The following SH3GL2 variants were observed in gnomAD, a reference collection of about 807,000 sequenced individuals.
SH3GL2 encodes endophilin-A1.
Under a neutral mutation model 46.0 loss-of-function variants are expected in SH3GL2, and 24 were observed. That is an observed-to-expected ratio of 0.52 (90% CI 0.38 to 0.73). The LOEUF is 0.73. Among genes scored for constraint, SH3GL2 ranks in the 30% least tolerant of loss-of-function variants. The pLI is 0.00. For synonymous variants in SH3GL2, 196 were observed against 147.1 expected (o/e 1.33, Z -2.40); for missense variants, 413 against 424.2 (o/e 0.97, Z 0.23).
intron 6 of SH3GL2, 41 bp downstream of exon 6, chr9:17,789,591 A>G: frequency 3.1e-6 from 5 of 1,609,430 alleles, no homozygotes; most frequent in Non-Finnish European, 4.2e-6. Flanking sequence ...CTTATCATCG[A>G]GGCACAACAT....
chr9:17,633,630 A>G (rs573798248), intron 1 of SH3GL2, among the ~76,000 whole-genome samples: 1 of 152,338 alleles, frequency 6.6e-6, no homozygotes, highest in African/African-American at 2.4e-5. Context: ...AGTTATTTTT[A>G]TAAATCAGAT....
At chr9:17,586,942 C>T (rs1360053205) in intron 1 of SH3GL2, among the ~76,000 whole-genome samples, 1 of 152,204 alleles carries the variant, frequency 6.6e-6, no homozygotes, top group East Asian at 1.9e-4. Flanking sequence ...TGCGGTGGCT[C>T]ATGCCTGCAA....
At chr9:17,786,667 T>G (rs963525165) in intron 4 of SH3GL2, 143 bp downstream of exon 4, 20 of 749,874 alleles carry the variant, frequency 2.7e-5, no homozygotes, top group Non-Finnish European at 4.2e-5. Flanking sequence ...GCCAAAAATT[T>G]GTTTTCAGAA....
At chr9:17,637,939 G>C (rs982015137) in intron 1 of SH3GL2, among the ~76,000 whole-genome samples, 1 of 151,994 alleles carries the variant, frequency 6.6e-6, no homozygotes, top group African/African-American at 2.4e-5. Context: ...GGCGGATCAC[G>C]AGGTCAGGAG....
chr9:17,638,813 A>G (rs1819607342), intron 1 of SH3GL2, among the ~76,000 whole-genome samples: 1 of 152,144 alleles, frequency 6.6e-6, no homozygotes, highest in South Asian at 2.1e-4. Flanking sequence ...TTGATGTCTT[A>G]TAAGCTGATC....
chr9:17,620,213 G>T (rs1043556049), intron 1 of SH3GL2, among the ~76,000 whole-genome samples: 2 of 152,160 alleles, frequency 1.3e-5, no homozygotes, highest in Non-Finnish European at 2.9e-5. Flanking sequence ...GAGATACTCT[G>T]ACCTGAATCT....
At chr9:17,728,665 C>G (rs892001873) in intron 1 of SH3GL2, among the ~76,000 whole-genome samples, 21 of 152,014 alleles carry the variant, frequency 1.4e-4, no homozygotes, top group African/African-American at 3.9e-4. Context: ...GTGATGTTCC[C>G]CTTCCTGTGC....
chr9:17,592,477 TATTA>T (rs1818502856), intron 1 of SH3GL2, among the ~76,000 whole-genome samples: 1 of 152,228 alleles, frequency 6.6e-6, no homozygotes, highest in Non-Finnish European at 1.5e-5. Flanking sequence ...GAAAAATCAC[TATTA>T]ATTATCATGC....
intron 1 of SH3GL2, among the ~76,000 whole-genome samples, chr9:17,674,006 T>C (rs1588225978): frequency 6.6e-6 from 1 of 152,220 alleles, no homozygotes. Flanking sequence ...GTTTTATTTC[T>C]CTTTGTTTCC....
chr9:17,728,903 C>A (rs1375159346), intron 1 of SH3GL2, among the ~76,000 whole-genome samples: 2 of 152,080 alleles, frequency 1.3e-5, no homozygotes, highest in Non-Finnish European at 2.9e-5. Context: ...GGTTCCAAGT[C>A]TTTGTTACTG....
intron 1 of SH3GL2, among the ~76,000 whole-genome samples, chr9:17,594,433 A>G (rs557030492): frequency 1.8e-4 from 26 of 144,546 alleles, no homozygotes; most frequent in African/African-American, 6.3e-4. Context: ...ATGTCCTTCC[A>G]TGTGCAATGA....
At chr9:17,747,222 G>A (rs1822716937) in intron 2 of SH3GL2, 88 bp downstream of exon 2, 2 of 730,862 alleles carry the variant, frequency 2.7e-6, no homozygotes, top group Non-Finnish European at 4.7e-6. Flanking sequence ...GAGGGCAACT[G>A]TTTTCCACTG....
rs945440316 is a variant in SH3GL2 at position 17,579,097 on chromosome 9, C to A, written c.-146C>A. The A allele has an allele frequency of 5.9e-6, 3 of 507,198 alleles. No individual in the cohort carries two copies. The South Asian group carries it at 8.7e-5, about 15-fold the overall frequency. The allele number at this position is 507,198 out of a possible 1,614,324, so 31.4% of individuals were successfully genotyped here. ...GTGTTTCTCCGCAAGAGCCCGTGTC[C>A]CGCTAGGCTCCGCGCCCTCGCGCCC... On this transcript the variant is annotated 5_prime_UTR_variant, in exon 1 of 9. Transcript: ENST00000380607.
At chr9:17,743,806 T>C (rs1485840342) in intron 1 of SH3GL2, among the ~76,000 whole-genome samples, 1 of 152,238 alleles carries the variant, frequency 6.6e-6, no homozygotes, top group African/African-American at 2.4e-5. Flanking sequence ...AAGTGTGATG[T>C]AGGCCCTTGT....
chr9:17,735,039 C>G (rs1037670375), intron 1 of SH3GL2, among the ~76,000 whole-genome samples: 2 of 152,236 alleles, frequency 1.3e-5, no homozygotes, highest in East Asian at 3.9e-4. Flanking sequence ...AAAAGTGCTG[C>G]CTCCGGGCTC....
At chr9:17,757,294 C>A (rs867218964) in intron 2 of SH3GL2, among the ~76,000 whole-genome samples, 3 of 152,100 alleles carry the variant, frequency 2.0e-5, no homozygotes, top group Non-Finnish European at 4.4e-5. Flanking sequence ...GCAACAAAAG[C>A]CAAAATTGAC....
chr9:17,717,248 T>C (rs1821786063), intron 1 of SH3GL2, among the ~76,000 whole-genome samples: 1 of 152,152 alleles, frequency 6.6e-6, no homozygotes, highest in Non-Finnish European at 1.5e-5. Flanking sequence ...TTTTATGCTG[T>C]CACATGTTGG....
At position 17,789,395 on chromosome 9, in the gene SH3GL2, C is replaced by A; in HGVS notation, c.469C>A (p.His157Asn). The change falls in exon 6 of 9, where the codon CAT becomes AAT. Residue 157 changes from histidine (H) to asparagine (N), a missense_variant. Physicochemically the swap from His to Asn is moderately conservative, Grantham distance 68. Coordinates refer to ENST00000380607, the MANE Select transcript of SH3GL2 (RefSeq NM_003026.5). ...TTCCTGCCCTTGACTTTTGCAGCAT[C>A]ATCTAAAGAAGTTGGAGGGTCGACG... ...HDKDLREIQH[H>N]LKKLEGRRLD... 6.2e-7 allele frequency: 1 copy of A among 1,612,854 alleles called. No individual in the cohort carries two copies. Among genetic ancestry groups the A allele is most frequent in the South Asian group, 1.1e-5 (1 of 91,028 alleles).
chr9:17,630,938 T>G (rs1819407264), intron 1 of SH3GL2, among the ~76,000 whole-genome samples: 1 of 151,956 alleles, frequency 6.6e-6, no homozygotes, highest in Admixed American at 6.6e-5. Context: ...TAGAACCCTT[T>G]AACTGTTTAG....
Sources: gnomAD v4.1 joint callset for allele counts (sites outside exome capture counted in the v4.1 genomes callset) on GRCh38, gnomAD v4.1.1 for gene constraint, MANE v1.5 for transcripts, NCBI Gene and HGNC (gene_info 2026-07-23, HGNC 2026-07-21) for gene names.